LOC400499: variants seen among roughly 807,000 people sequenced by gnomAD.
At chr16:11,450,950 G>T in the LOC400499 span, 2 of 808,970 alleles carry the variant, frequency 2.5e-6, no homozygotes, top group Admixed American at 2.7e-5. Flanking sequence ...AACTAGGCAT[G>T]AGGGAACTTT....
the LOC400499 span, among the ~76,000 whole-genome samples, chr16:11,503,127 T>TTGCCCAGGA: frequency 1.3e-5 from 2 of 151,558 alleles, no homozygotes; most frequent in African/African-American, 4.9e-5. Context: ...TTTCACCATG[T>TTGCCCAGGA]TGGTCTCAAA....
At chr16:11,392,457 G>A in the LOC400499 span, 1,832 of 398,934 alleles carry the variant, frequency 4.6e-3, 34 homozygotes, top group African/African-American at 0.034. Context: ...TCGGCTGTCC[G>A]CCCATGGGCA....
At chr16:11,494,778 C>T in the LOC400499 span, 2 of 399,108 alleles carry the variant, frequency 5.0e-6, no homozygotes, top group Non-Finnish European at 8.8e-6. Context: ...CAGAAATCGG[C>T]CCCCACCCGA....
the LOC400499 span, among the ~76,000 whole-genome samples, chr16:11,453,451 C>T: frequency 1.3e-5 from 2 of 152,000 alleles, no homozygotes; most frequent in Non-Finnish European, 2.9e-5. Flanking sequence ...AAGGAAACTC[C>T]GAGGCAACAG....
chr16:11,481,717 C>A, the LOC400499 span, among the ~76,000 whole-genome samples: 2 of 152,136 alleles, frequency 1.3e-5, no homozygotes, highest in African/African-American at 4.8e-5. Context: ...TCGGCAACCC[C>A]TGCCTCCCGG....
At chr16:11,406,605 T>C in the LOC400499 span, among the ~76,000 whole-genome samples, 4 of 152,322 alleles carry the variant, frequency 2.6e-5, no homozygotes, top group African/African-American at 4.8e-5. Context: ...GCTAATTCCA[T>C]ATTTTTAGTA....
At chr16:11,418,551 G>A in the LOC400499 span, among the ~76,000 whole-genome samples, 1 of 152,140 alleles carries the variant, frequency 6.6e-6, no homozygotes, top group African/African-American at 2.4e-5. Context: ...GGGGAGGCGT[G>A]AATAATCCAC....
the LOC400499 span, chr16:11,442,616 T>A: frequency 6.6e-6 from 1 of 152,228 alleles, no homozygotes; most frequent in African/African-American, 2.4e-5. Flanking sequence ...CAGCTGGGAT[T>A]TGAGGCTTGG....
chr16:11,391,792 C>A, the LOC400499 span: 1 of 1,232,204 alleles, frequency 8.1e-7, no homozygotes, highest in Non-Finnish European at 1.0e-6. Flanking sequence ...GCCTGCATGG[C>A]CTCCCGCCCC....
At chr16:11,374,135 A>G in the LOC400499 span, among the ~76,000 whole-genome samples, 3 of 152,208 alleles carry the variant, frequency 2.0e-5, no homozygotes, top group Non-Finnish European at 4.4e-5. Context: ...GCTGAAATCT[A>G]TAATCTGTGT....
At chr16:11,496,495 TAGAA>T in the LOC400499 span, among the ~76,000 whole-genome samples, 1 of 152,206 alleles carries the variant, frequency 6.6e-6, no homozygotes, top group Non-Finnish European at 1.5e-5. Context: ...GTGTGTGCTG[TAGAA>T]TCCTAGTGCT....
At chr16:11,443,391 G>T in the LOC400499 span, 1 of 424,868 alleles carries the variant, frequency 2.4e-6, no homozygotes, top group Non-Finnish European at 4.6e-6. Context: ...AACCTGGGAC[G>T]TGGAGGTTGC....
At chr16:11,416,075 G>T in the LOC400499 span, among the ~76,000 whole-genome samples, 1 of 151,662 alleles carries the variant, frequency 6.6e-6, no homozygotes, top group Non-Finnish European at 1.5e-5. Context: ...TGTGTCTCAG[G>T]CTCCTGAGTA....
the LOC400499 span, among the ~76,000 whole-genome samples, chr16:11,464,144 G>A: frequency 1.7e-5 from 2 of 118,870 alleles, no homozygotes; most frequent in African/African-American, 6.7e-5. Context: ...ATGGACGTGT[G>A]TATGATGTGT....
the LOC400499 span, among the ~76,000 whole-genome samples, chr16:11,443,093 G>A: frequency 6.6e-6 from 1 of 152,022 alleles, no homozygotes; most frequent in Admixed American, 6.6e-5. Context: ...GGAGGCTGAG[G>A]CCGGGGGATC....
chr16:11,451,169 G>C, the LOC400499 span, among the ~76,000 whole-genome samples: 110 of 152,334 alleles, frequency 7.2e-4, no homozygotes, highest in Admixed American at 2.1e-3. Flanking sequence ...TGGATATGCA[G>C]AGAGAGAGGT....
At chr16:11,385,842 CTG>C in the LOC400499 span, among the ~76,000 whole-genome samples, 11 of 152,202 alleles carry the variant, frequency 7.2e-5, no homozygotes, top group Admixed American at 6.5e-5. Context: ...AGGCACAACT[CTG>C]AATAAATTAG....
At chr16:11,471,078 G>A in the LOC400499 span, among the ~76,000 whole-genome samples, 4 of 152,184 alleles carry the variant, frequency 2.6e-5, no homozygotes, top group African/African-American at 9.6e-5. Flanking sequence ...AAGGGTAACA[G>A]AAGCCATAGG....
the LOC400499 span, among the ~76,000 whole-genome samples, chr16:11,376,950 T>TC: frequency 6.6e-6 from 1 of 151,702 alleles, no homozygotes; most frequent in East Asian, 1.9e-4. Context: ...ACTTTTTTTT[T>TC]TTTTTTAAAG....
Sources: allele counts gnomAD v4.1 joint callset (sites outside exome capture counted in the v4.1 genomes callset), GRCh38; gene constraint gnomAD v4.1.1; transcripts MANE v1.5.